Variants in CRPPA observed in about 807,000 individuals in gnomAD.
CRPPA encodes CDP-L-ribitol pyrophosphorylase A, also known as D-ribitol-5-phosphate cytidylyltransferase.
Under a neutral mutation model 52.0 loss-of-function variants are expected in CRPPA, and 43 were observed. The observed-to-expected ratio is 0.83, with a 90% CI of 0.65 to 1.07. The LOEUF (loss-of-function observed/expected upper bound fraction) is 1.07, where lower values mean the gene tolerates loss of function less well. Ranked by LOEUF, CRPPA falls within the 50% of genes least tolerant of loss-of-function variation. CRPPA has a pLI of 0.00. For synonymous variants in CRPPA, 250 were observed against 203.5 expected (o/e 1.23, Z -1.94); for missense variants, 629 against 551.7 (o/e 1.14, Z -1.40).
chr7:16,125,115 C>T (rs548866658), intron 9 of CRPPA, among the ~76,000 whole-genome samples: 55 of 151,836 alleles, frequency 3.6e-4, no homozygotes, highest in African/African-American at 1.3e-3. Context: ...CAAAAATTAG[C>T]CAGGCATGGT....
At chr7:16,408,898 G>T (rs10256398) in intron 1 of CRPPA, among the ~76,000 whole-genome samples, 2,254 of 152,118 alleles carry the variant, frequency 0.015, 61 homozygotes, top group African/African-American at 0.051. Context: ...GAGCATGAGT[G>T]GCCTCTACAA....
At chr7:16,187,454 A>C (rs1781528275) in intron 9 of CRPPA, among the ~76,000 whole-genome samples, 1 of 152,216 alleles carries the variant, frequency 6.6e-6, no homozygotes, top group African/African-American at 2.4e-5. Context: ...ATAACAGAGA[A>C]AACAAAGGAA....
chr7:16,354,558 T>A (rs1423542636), intron 3 of CRPPA, among the ~76,000 whole-genome samples: 2 of 152,128 alleles, frequency 1.3e-5, no homozygotes, highest in Non-Finnish European at 2.9e-5. Flanking sequence ...ACTAAAAAAA[T>A]TTTAACTTAC....
intron 3 of CRPPA, among the ~76,000 whole-genome samples, chr7:16,363,564 A>C (rs1319280765): frequency 6.6e-6 from 1 of 152,196 alleles, no homozygotes; most frequent in Non-Finnish European, 1.5e-5. Context: ...TAGAGAAATA[A>C]GCCTTTTTAG....
At chr7:16,152,938 A>G (rs1194317412) in intron 9 of CRPPA, among the ~76,000 whole-genome samples, 1 of 152,024 alleles carries the variant, frequency 6.6e-6, no homozygotes, top group Non-Finnish European at 1.5e-5. Flanking sequence ...TATTTTTCAG[A>G]AAGAAAGCCA....
chr7:16,231,849 G>T (rs1782806024), intron 8 of CRPPA, among the ~76,000 whole-genome samples: 1 of 152,146 alleles, frequency 6.6e-6, no homozygotes, highest in African/African-American at 2.4e-5. Flanking sequence ...ATACAATGAA[G>T]AAATAATCCC....
At chr7:16,415,482 G>A (rs1788171880) in intron 1 of CRPPA, among the ~76,000 whole-genome samples, 1 of 152,124 alleles carries the variant, frequency 6.6e-6, no homozygotes, top group East Asian at 1.9e-4. Flanking sequence ...TTAAAGATCT[G>A]GGAATTTTAC....
At chr7:16,302,325 A>T (rs915849049) in intron 4 of CRPPA, among the ~76,000 whole-genome samples, 5 of 143,022 alleles carry the variant, frequency 3.5e-5, no homozygotes, top group South Asian at 2.2e-4. Flanking sequence ...AAAAAAATGC[A>T]ACCTCCTCAT....
At chr7:16,128,555 G>C (rs1782623850) in intron 9 of CRPPA, among the ~76,000 whole-genome samples, 1 of 152,210 alleles carries the variant, frequency 6.6e-6, no homozygotes, top group East Asian at 1.9e-4. Context: ...CCAGAAGATA[G>C]GTAACAAAGC....
At position 16,222,549 on chromosome 7, in the gene CRPPA, C is replaced by T. The variant is rs112733080; in HGVS notation, c.1120-6352G>A. ...TTTTCATCAAATCATTCAACTTAAT[C>T]GTAATTTTTAACTGGGTGAGATAGA... On this transcript the variant is annotated intron_variant, in intron 8 of 9. Transcript: ENST00000407010. 6.0e-4 allele frequency among the ~76,000 whole-genome samples: 91 copies of T among 151,946 alleles called. 1 individual carries two copies. The highest frequency in any genetic ancestry group is 2.1e-3 in the African/African-American group (86 of 41,468).
chr7:16,339,081 A>G (rs1301615602), intron 3 of CRPPA, among the ~76,000 whole-genome samples: 1 of 152,124 alleles, frequency 6.6e-6, no homozygotes. Context: ...CTGGGATTAC[A>G]GGCGTGAGCC....
At chr7:16,235,984 G>A (rs1782940388) in intron 8 of CRPPA, 1 of 151,988 alleles carries the variant, frequency 6.6e-6, no homozygotes, top group African/African-American at 2.4e-5. Flanking sequence ...TTTTCAGTAA[G>A]TGTCTGTTAT....
chr7:16,262,774 T>C (rs1390052627), intron 6 of CRPPA, among the ~76,000 whole-genome samples: 1 of 152,212 alleles, frequency 6.6e-6, no homozygotes, highest in East Asian at 1.9e-4. Flanking sequence ...ATTATCTTAA[T>C]GAATCAACTT....
chr7:16,160,299 G>A (rs1310564931), intron 9 of CRPPA, among the ~76,000 whole-genome samples: 1 of 152,110 alleles, frequency 6.6e-6, no homozygotes, highest in Non-Finnish European at 1.5e-5. Context: ...TATGGCTTTA[G>A]GTAGTAACAC....
intron 2 of CRPPA, among the ~76,000 whole-genome samples, chr7:16,388,838 T>C (rs964874836): frequency 5.3e-5 from 8 of 152,072 alleles, no homozygotes; most frequent in African/African-American, 1.7e-4. Flanking sequence ...ATGGCGCCAC[T>C]GCACTCCAGC....
rs73302978 is a variant in CRPPA at position 16,150,672 on chromosome 7, A to G, written c.1252-58873T>C. On this transcript the variant is annotated intron_variant, in intron 9 of 9. Transcript: ENST00000407010. ...ACTGAGCACCATCTGCTATAAGAAA[A>G]TATGAAAGATGCCTTGTCTTAGTCC... 6.3e-3 allele frequency among the ~76,000 whole-genome samples: 954 copies of G among 152,348 alleles called. 12 individuals carry two copies. Among genetic ancestry groups the G allele is most frequent in the African/African-American group, 0.022 (915 of 41,580 alleles).
chr7:16,199,921 G>C (rs544674151), intron 9 of CRPPA, among the ~76,000 whole-genome samples: 2 of 147,868 alleles, frequency 1.4e-5, no homozygotes, highest in Non-Finnish European at 3.0e-5. Flanking sequence ...GCAATGGTGC[G>C]ATCTCAGCTC....
intron 5 of CRPPA, among the ~76,000 whole-genome samples, chr7:16,286,776 T>C (rs1396236447): frequency 1.3e-5 from 2 of 152,172 alleles, no homozygotes; most frequent in African/African-American, 4.8e-5. Context: ...CTCTCAAATA[T>C]ATATCAACAC....
intron 8 of CRPPA, among the ~76,000 whole-genome samples, chr7:16,255,182 C>T (rs867111812): frequency 2.2e-4 from 33 of 152,172 alleles, no homozygotes; most frequent in Middle Eastern, 3.4e-3. Context: ...GAGTGAACTC[C>T]CATTCACAAT....
Sources: gnomAD v4.1 joint callset for allele counts (sites outside exome capture counted in the v4.1 genomes callset) on GRCh38, gnomAD v4.1.1 for gene constraint, MANE v1.5 for transcripts, NCBI Gene and HGNC (gene_info 2026-07-23, HGNC 2026-07-21) for gene names.